Variants in GBA1 observed in about 807,000 individuals in gnomAD.
GBA1 encodes glucosylceramidase beta 1, also known as lysosomal acid glucosylceramidase.
chr1:155,243,109 C>T, the GBA1 span, among the ~76,000 whole-genome samples: 1 of 152,214 alleles, frequency 6.6e-6, no homozygotes. Flanking sequence ...TGCAACATGT[C>T]AGGCCTCTGT....
the GBA1 span, chr1:155,241,326 T>C: frequency 1.6e-6 from 1 of 628,154 alleles, no homozygotes; most frequent in Non-Finnish European, 2.9e-6. Context: ...CACAGCCATA[T>C]TTCTAAAGGG....
At chr1:155,241,160 C>G in the GBA1 span, 1 of 1,588,230 alleles carries the variant, frequency 6.3e-7, no homozygotes, top group Non-Finnish European at 8.6e-7. Flanking sequence ...GTTCCAGAGT[C>G]TCTGAAGGAT....
At chr1:155,236,408 T>C in the GBA1 span, 1 of 1,614,102 alleles carries the variant, frequency 6.2e-7, no homozygotes, top group African/African-American at 1.3e-5. Flanking sequence ...AGCCAGAAAG[T>C]CCAGGTACCA....
At chr1:155,236,296 C>T in the GBA1 span, 2 of 1,614,194 alleles carry the variant, frequency 1.2e-6, no homozygotes, top group South Asian at 2.2e-5. Context: ...AGCCTAGCCG[C>T]ACACTCTGCT....
the GBA1 span, among the ~76,000 whole-genome samples, chr1:155,242,337 C>G: frequency 1.3e-5 from 2 of 152,006 alleles, no homozygotes; most frequent in Admixed American, 6.5e-5. Context: ...ATTCTCCTGC[C>G]TCAGCCTCCC....
the GBA1 span, chr1:155,236,596 T>C: frequency 1.3e-6 from 1 of 795,908 alleles, no homozygotes; most frequent in Non-Finnish European, 2.1e-6. Flanking sequence ...GGAGATTTTT[T>C]TTTGTTTTTG....
At chr1:155,237,255 T>C in the GBA1 span, 25 of 1,603,490 alleles carry the variant, frequency 1.6e-5, no homozygotes, top group Non-Finnish European at 2.1e-5. Flanking sequence ...CATAGTTGGG[T>C]AGAGAAATCG....
At chr1:155,239,224 A>T in the GBA1 span, among the ~76,000 whole-genome samples, 1 of 151,630 alleles carries the variant, frequency 6.6e-6, no homozygotes, top group African/African-American at 2.4e-5. Flanking sequence ...TCTCAAAAAA[A>T]AAAAAAGAAA....
the GBA1 span, chr1:155,237,446 G>T: frequency 5.0e-6 from 8 of 1,614,006 alleles, no homozygotes; most frequent in Non-Finnish European, 6.8e-6. Context: ...CACGGGCAAT[G>T]AAGTCTCGCT....
chr1:155,241,142 C>G, the GBA1 span: 38 of 1,610,862 alleles, frequency 2.4e-5, no homozygotes, highest in Middle Eastern at 1.6e-4. Context: ...GAAGAGAAGA[C>G]CACAGGGGTT....
the GBA1 span, chr1:155,238,871 C>T: frequency 1.6e-6 from 1 of 620,896 alleles, no homozygotes; most frequent in South Asian, 1.9e-5. Flanking sequence ...TCTTATTTCA[C>T]AGGGCATTAA....
the GBA1 span, chr1:155,241,070 G>A: frequency 1.2e-6 from 2 of 1,610,824 alleles, no homozygotes; most frequent in African/African-American, 1.3e-5. Flanking sequence ...TGCTGATTGG[G>A]AGCTCTCTCT....
At chr1:155,235,680 C>A in the GBA1 span, 1 of 1,598,222 alleles carries the variant, frequency 6.3e-7, no homozygotes, top group Non-Finnish European at 8.5e-7. Flanking sequence ...CCTCCACTCA[C>A]CTGAAGTGGC....
chr1:155,239,484 T>G, the GBA1 span: 1 of 971,990 alleles, frequency 1.0e-6, no homozygotes, highest in Admixed American at 2.0e-5. Context: ...TGAGGGGAGA[T>G]CACACCACTG....
the GBA1 span, chr1:155,239,509 C>T: frequency 5.6e-5 from 70 of 1,257,132 alleles, no homozygotes; most frequent in Admixed American, 7.8e-5. Context: ...CCTGTCTCGC[C>T]GACAGAATGG....
chr1:155,243,830 T>C, the GBA1 span, among the ~76,000 whole-genome samples: 1 of 151,850 alleles, frequency 6.6e-6, no homozygotes, highest in South Asian at 2.1e-4. Context: ...TGGAGTGCAG[T>C]GGCACGATCT....
chr1:155,242,046 C>T, the GBA1 span, among the ~76,000 whole-genome samples: 45 of 152,258 alleles, frequency 3.0e-4, no homozygotes, highest in East Asian at 6.2e-3. Context: ...TGAGATTTAG[C>T]GGGAGTGGCA....
chr1:155,239,014 C>T, the GBA1 span: 14 of 339,250 alleles, frequency 4.1e-5, no homozygotes, highest in African/African-American at 1.5e-4. Flanking sequence ...GTCAGGAGTT[C>T]GCAATCATCC....
At chr1:155,237,619 G>A in the GBA1 span, 1 of 1,610,212 alleles carries the variant, frequency 6.2e-7, no homozygotes, top group Non-Finnish European at 8.5e-7. Flanking sequence ...CCAAGAAAGT[G>A]GACCAGACCA....
Sources: gnomAD v4.1 joint callset for allele counts (sites outside exome capture counted in the v4.1 genomes callset) on GRCh38, gnomAD v4.1.1 for gene constraint, MANE v1.5 for transcripts, NCBI Gene and HGNC (gene_info 2026-07-23, HGNC 2026-07-21) for gene names.